VPS8: variants seen among roughly 807,000 people sequenced by gnomAD.
VPS8 encodes vacuolar protein sorting-associated protein 8 homolog.
In VPS8, 129 loss-of-function variants were observed where a neutral mutation model predicts 216.4. That is an observed-to-expected ratio of 0.60 (90% CI 0.52 to 0.69). The LOEUF is 0.69. Ranked by LOEUF, VPS8 falls within the 30% of genes least tolerant of loss-of-function variation. The pLI, the probability that VPS8 is intolerant of heterozygous loss-of-function variation, is 0.00. For missense variants in VPS8, 1,531 were observed against 1,683.5 expected, an observed-to-expected ratio of 0.91 and a Z score of 1.59; for synonymous variants, 571 against 565.4, an observed-to-expected ratio of 1.01 and a Z score of -0.14.
chr3:184,996,472 A>G lies in VPS8; in HGVS notation c.3807A>G (p.Gln1269=), dbSNP rs939170067. 2.5e-6 allele frequency: 4 copies of G among 1,608,300 alleles called. No homozygotes were observed. Among genetic ancestry groups the G allele is most frequent in the African/African-American group, 1.3e-5 (1 of 74,506 alleles). Reference sequence around the variant, plus strand: ...GTTTGCAGCAGTACAAGAGACGCCAAGAAATGGCTGATGAAATAATTGTCT... The same window carrying G: ...GTTTGCAGCAGTACAAGAGACGCCAGGAAATGGCTGATGAAATAATTGTCT... ...SICLQQYKRR[Q]EMADEIIVFS... is the part of the protein sequence containing the mutation. The change falls in exon 44 of 48, where the codon CAA becomes CAG. Residue 1269 remains glutamine, a synonymous_variant. Transcript: ENST00000625842.
In VPS8 at chr3:184,983,080, C is replaced by CAGGTGAGTTA; in HGVS notation, c.3572_3573insGGTGAGTTAA (p.Arg1192ValfsTer3). On this transcript the variant is annotated stop_gained and frameshift_variant, in exon 42 of 48. Coordinates refer to ENST00000625842, the MANE Select transcript of VPS8 (RefSeq NM_001009921.3). LOFTEE classifies it high-confidence loss of function. ...ATTTATTGCCCTTCCATCAATCTTG[C>CAGGTGAGTTA]AAAGAATCTTACAGGTGAGTTAAAA... 6.2e-7 allele frequency: 1 copy of CAGGTGAGTTA among 1,607,664 alleles called. No individual in the cohort carries two copies. Among genetic ancestry groups the CAGGTGAGTTA allele is most frequent in the Non-Finnish European group, 8.5e-7 (1 of 1,176,504 alleles).
intron 42 of VPS8, among the ~76,000 whole-genome samples, chr3:184,988,629 A>T (rs539950841): frequency 1.3e-5 from 2 of 152,188 alleles, no homozygotes; most frequent in African/African-American, 4.8e-5. Context: ...TGTGTTGGCC[A>T]TTCCTTGTCT....
At chr3:184,903,884 C>T (rs978855413) in intron 25 of VPS8, among the ~76,000 whole-genome samples, 1 of 152,162 alleles carries the variant, frequency 6.6e-6, no homozygotes, top group African/African-American at 2.4e-5. Context: ...TTCATGAACA[C>T]AGCACATCTT....
chr3:184,941,269 A>G (rs1415383321), intron 36 of VPS8, among the ~76,000 whole-genome samples: 1 of 152,186 alleles, frequency 6.6e-6, no homozygotes, highest in Non-Finnish European at 1.5e-5. Context: ...AGGCTGTGGT[A>G]CATTTAAATT....
intron 44 of VPS8, 41 bp downstream of exon 44, chr3:184,996,542 C>G (rs1446034011): frequency 1.3e-6 from 2 of 1,527,290 alleles, no homozygotes; most frequent in Non-Finnish European, 1.8e-6. Context: ...GGTACATGTA[C>G]ATCTGTGGCA....
At chr3:184,879,106 A>C (rs185574451) in intron 21 of VPS8, among the ~76,000 whole-genome samples, 9 of 152,346 alleles carry the variant, frequency 5.9e-5, no homozygotes, top group Admixed American at 5.9e-4. Flanking sequence ...GAAATAGGGA[A>C]AACCAGAGAT....
chr3:184,832,953 GA>G (rs1720312793), intron 4 of VPS8, 134 bp downstream of exon 4: 23 of 1,126,426 alleles, frequency 2.0e-5, no homozygotes, highest in Non-Finnish European at 2.7e-5. Context: ...ATAATATCTT[GA>G]AAATTTTGGT....
At chr3:184,955,790 T>C (rs1197220552) in intron 36 of VPS8, among the ~76,000 whole-genome samples, 1 of 152,060 alleles carries the variant, frequency 6.6e-6, no homozygotes, top group Non-Finnish European at 1.5e-5. Flanking sequence ...CACTATTTAT[T>C]ATGTCTTAAT....
At chr3:185,014,440 C>G (rs1055564991) in intron 45 of VPS8, among the ~76,000 whole-genome samples, 59 of 152,136 alleles carry the variant, frequency 3.9e-4, no homozygotes, top group Non-Finnish European at 8.1e-4. Context: ...TTGATGGTAT[C>G]CAAATCGGCT....
chr3:184,983,707 A>G (rs563105634), intron 42 of VPS8, among the ~76,000 whole-genome samples: 2 of 152,290 alleles, frequency 1.3e-5, no homozygotes, highest in African/African-American at 4.8e-5. Flanking sequence ...TGGGGAAACA[A>G]CAGGAATTAT....
intron 31 of VPS8, among the ~76,000 whole-genome samples, chr3:184,927,372 G>T (rs1041796578): frequency 6.6e-6 from 1 of 152,070 alleles, no homozygotes; most frequent in Admixed American, 6.5e-5. Flanking sequence ...TGAGACTATC[G>T]GATAGCAACA....
intron 37 of VPS8, among the ~76,000 whole-genome samples, chr3:184,957,785 CTG>C (rs1192893762): frequency 1.3e-5 from 2 of 152,144 alleles, no homozygotes; most frequent in African/African-American, 4.8e-5. Flanking sequence ...TTTGCTTAAA[CTG>C]TATTTTAACA....
chr3:184,858,941 A>G (rs930316303), intron 14 of VPS8, among the ~76,000 whole-genome samples: 8 of 152,154 alleles, frequency 5.3e-5, no homozygotes, highest in African/African-American at 1.9e-4. Flanking sequence ...GAAATGTTTC[A>G]GGATGTTGAT....
chr3:184,901,166 C>T lies in VPS8; in HGVS notation c.2146+194C>T, dbSNP rs1346597741. On this transcript the variant is annotated intron_variant, in intron 25 of 47. Coordinates refer to ENST00000625842, the MANE Select transcript of VPS8 (RefSeq NM_001009921.3). ...AAAAGTTTCCTCCTTCCCCTTTGTA[C>T]TTGATCCTTTCCCCACAGCCCTGCT... 2.1e-5 allele frequency: 12 copies of T among 568,474 alleles called. No individual in the cohort carries two copies. In the South Asian group the frequency reaches 2.7e-4, roughly 13 times the overall value. The allele number at this position is 568,474 out of a possible 1,614,324, so 35.2% of individuals were successfully genotyped here. A position where few individuals can be genotyped will look rare whatever the true frequency, so the allele number is the denominator to read the frequency against.
At chr3:184,958,584 G>C (rs914999252) in intron 37 of VPS8, among the ~76,000 whole-genome samples, 2 of 152,174 alleles carry the variant, frequency 1.3e-5, no homozygotes. Context: ...CCATAAATAA[G>C]TTGTGGTGAT....
At chr3:185,014,565 T>C (rs1287549000) in intron 45 of VPS8, among the ~76,000 whole-genome samples, 1 of 152,234 alleles carries the variant, frequency 6.6e-6, no homozygotes, top group African/African-American at 2.4e-5. Flanking sequence ...TCTGCTTCTG[T>C]CTTTGCAGCT....
chr3:184,844,427 T>A (rs1006154735), intron 8 of VPS8, among the ~76,000 whole-genome samples: 2 of 151,242 alleles, frequency 1.3e-5, no homozygotes, highest in South Asian at 2.1e-4. Flanking sequence ...TCAAAAAAAA[T>A]AAATAAATAA....
chr3:184,950,757 C>T lies in VPS8; in HGVS notation c.3036-6617C>T, dbSNP rs1397538299. ...AACAGGCCCTGGTATGTGTTCTTCC[C>T]CTCCCTGTGTCCATGTGTTCTCATC... is the stretch of plus-strand genomic sequence containing the variant. On this transcript the variant is annotated intron_variant, in intron 36 of 47. Coordinates refer to ENST00000625842, the MANE Select transcript of VPS8 (RefSeq NM_001009921.3). Among the ~76,000 whole-genome samples, 3 of 152,170 alleles carry T rather than the reference C, an allele frequency of 2.0e-5. No homozygotes were observed. In the East Asian group the frequency reaches 5.8e-4, roughly 29 times the overall value.
intron 39 of VPS8, among the ~76,000 whole-genome samples, chr3:184,970,444 A>G (rs2109624219): frequency 6.6e-6 from 1 of 152,344 alleles, no homozygotes; most frequent in African/African-American, 2.4e-5. Flanking sequence ...TGTGTGGAAA[A>G]TTACAGAACT....
Sources: allele counts gnomAD v4.1 joint callset (sites outside exome capture counted in the v4.1 genomes callset), GRCh38; gene constraint gnomAD v4.1.1; transcripts MANE v1.5; gene names NCBI Gene and HGNC (gene_info 2026-07-23, HGNC 2026-07-21).